RGS20: variants seen among roughly 807,000 people sequenced by gnomAD.
RGS20 encodes the protein gz-selective GTPase-activating protein.
A neutral mutation model predicts 33.6 loss-of-function variants in RGS20; 30 were observed. The ratio of observed to expected loss-of-function variants is 0.89; its 90% CI spans 0.67 to 1.21. The LOEUF (loss-of-function observed/expected upper bound fraction) is 1.21, where lower values mean the gene tolerates loss of function less well. Among genes scored for constraint, RGS20 ranks in the 50% most tolerant of loss-of-function variants. The pLI is 0.00. For synonymous variants in RGS20, 208 were observed against 197.9 expected (o/e 1.05, Z -0.43); for missense variants, 472 against 502.4 (o/e 0.94, Z 0.58).
At chr8:53,883,911 A>C (rs1048308472) in intron 2 of RGS20, among the ~76,000 whole-genome samples, 1 of 151,268 alleles carries the variant, frequency 6.6e-6, no homozygotes, top group African/African-American at 2.4e-5. Context: ...GAGCCACTGC[A>C]CTCCAGCCTG....
intron 2 of RGS20, among the ~76,000 whole-genome samples, chr8:53,925,942 C>T (rs961112226): frequency 2.0e-5 from 3 of 151,726 alleles, no homozygotes; most frequent in Admixed American, 6.6e-5. Context: ...AAAAGTAGGC[C>T]GGGCTCAGTG....
chr8:53,949,135 T>C (rs1345387777), intron 4 of RGS20, among the ~76,000 whole-genome samples: 1 of 40,070 alleles, frequency 2.5e-5, no homozygotes, highest in African/African-American at 9.3e-5. Context: ...TATTTATATA[T>C]GCTATATAAG....
At chr8:53,954,008 A>T in intron 4 of RGS20, 68 bp from the exon 4 acceptor site, 1 of 1,041,176 alleles carries the variant, frequency 9.6e-7, no homozygotes, top group Non-Finnish European at 1.5e-6. Flanking sequence ...ATATGTTCCT[A>T]ATGATGAATT....
At chr8:53,915,141 T>A (rs1384747922) in intron 2 of RGS20, among the ~76,000 whole-genome samples, 1 of 68,436 alleles carries the variant, frequency 1.5e-5, no homozygotes, top group Non-Finnish European at 3.2e-5. Flanking sequence ...TGTGGCTCTG[T>A]CTCAAAAAAA....
At chr8:53,869,904 G>A (rs1005609954) in intron 1 of RGS20, among the ~76,000 whole-genome samples, 7 of 152,044 alleles carry the variant, frequency 4.6e-5, no homozygotes, top group African/African-American at 1.7e-4. Context: ...CTGAGTGGAG[G>A]GTTCTCCTTT....
intron 5 of RGS20, among the ~76,000 whole-genome samples, chr8:53,955,171 C>A (rs1162459967): frequency 1.3e-5 from 2 of 151,276 alleles, no homozygotes; most frequent in African/African-American, 2.4e-5. Flanking sequence ...AACAGCTGCA[C>A]CCACATTCAC....
At chr8:53,947,214 A>ATGTT (rs1814515777) in intron 4 of RGS20, among the ~76,000 whole-genome samples, 2 of 139,856 alleles carry the variant, frequency 1.4e-5, no homozygotes, top group African/African-American at 5.6e-5. Context: ...AAGATATAGC[A>ATGTT]TATTTATTTA....
intron 1 of RGS20, among the ~76,000 whole-genome samples, chr8:53,868,910 G>C (rs536020169): frequency 3.3e-5 from 5 of 151,968 alleles, no homozygotes; most frequent in Non-Finnish European, 7.4e-5. Context: ...GCACCACCAC[G>C]CCTGGCTAAT....
At chr8:53,927,351 G>A (rs888137585) in intron 2 of RGS20, among the ~76,000 whole-genome samples, 31 of 151,872 alleles carry the variant, frequency 2.0e-4, no homozygotes, top group African/African-American at 3.4e-4. Context: ...CTACAGGCGC[G>A]CGCCACCATA....
At chr8:53,923,166 T>C (rs1813697952) in intron 2 of RGS20, among the ~76,000 whole-genome samples, 1 of 151,514 alleles carries the variant, frequency 6.6e-6, no homozygotes, top group African/African-American at 2.4e-5. Flanking sequence ...CATATTGTTA[T>C]AATTACTGCT....
intron 2 of RGS20, among the ~76,000 whole-genome samples, chr8:53,881,356 C>T (rs1396390950): frequency 6.6e-6 from 1 of 151,964 alleles, no homozygotes; most frequent in African/African-American, 2.4e-5. Context: ...TCCGCGATTC[C>T]ACCTCTGCGG....
chr8:53,870,970 G>A (rs1812048983), intron 1 of RGS20, among the ~76,000 whole-genome samples: 1 of 151,780 alleles, frequency 6.6e-6, no homozygotes, highest in East Asian at 1.9e-4. Context: ...AATTAGCCAG[G>A]TGTGGCGGCA....
intron 1 of RGS20, among the ~76,000 whole-genome samples, chr8:53,853,179 A>G: frequency 6.6e-6 from 1 of 152,234 alleles, no homozygotes; most frequent in East Asian, 1.9e-4. Context: ...CAGAATGTGG[A>G]GGCTACTTTG....
chr8:53,913,037 CT>C (rs1813389468), intron 2 of RGS20, among the ~76,000 whole-genome samples: 1 of 151,910 alleles, frequency 6.6e-6, no homozygotes, highest in Non-Finnish European at 1.5e-5. Flanking sequence ...GCAAACTCAG[CT>C]CACTGCAAAC....
chr8:53,926,159 G>A (rs991853500), intron 2 of RGS20, among the ~76,000 whole-genome samples: 8 of 152,150 alleles, frequency 5.3e-5, no homozygotes, highest in East Asian at 1.9e-4. Context: ...GCAGTGAGCC[G>A]TGTTCACACC....
At chr8:53,902,856 G>C (rs1263998830) in intron 2 of RGS20, among the ~76,000 whole-genome samples, 1 of 152,084 alleles carries the variant, frequency 6.6e-6, no homozygotes, top group African/African-American at 2.4e-5. Context: ...TTCCCGAGTA[G>C]CTGGGATTAC....
Position 53,958,502 on chromosome 8 carries a change from T to C in RGS20, c.*44T>C. On this transcript the variant is annotated 3_prime_UTR_variant, in exon 6 of 6. Transcript: ENST00000297313. ...ATTATTAATAAAATAATAAAAGAATTCATGGGCTACAACTAGCACAGGGAA... is the reference window on the plus strand; with the variant it reads ...ATTATTAATAAAATAATAAAAGAATCCATGGGCTACAACTAGCACAGGGAA... 1 of 1,123,516 alleles carries C rather than the reference T, an allele frequency of 8.9e-7. No individual in the cohort carries two copies. Among genetic ancestry groups the C allele is most frequent in the Non-Finnish European group, 1.2e-6 (1 of 851,482 alleles). The allele number at this position is 1,123,516 out of a possible 1,614,324, so 69.6% of individuals were successfully genotyped here.
intron 1 of RGS20, among the ~76,000 whole-genome samples, chr8:53,860,462 G>A (rs1014612763): frequency 6.6e-6 from 1 of 152,216 alleles, no homozygotes; most frequent in African/African-American, 2.4e-5. Context: ...ACACGTTTTT[G>A]TAACTGTCTG....
At chr8:53,930,043 C>T (rs1366681610) in intron 2 of RGS20, among the ~76,000 whole-genome samples, 1 of 152,096 alleles carries the variant, frequency 6.6e-6, no homozygotes, top group Non-Finnish European at 1.5e-5. Flanking sequence ...GACAAAGGTG[C>T]CTAGTACTAT....
Sources: allele counts gnomAD v4.1 joint callset (sites outside exome capture counted in the v4.1 genomes callset), GRCh38; gene constraint gnomAD v4.1.1; transcripts MANE v1.5; gene names NCBI Gene and HGNC (gene_info 2026-07-23, HGNC 2026-07-21).